The following SPAG9 variants were observed in gnomAD, a reference collection of about 807,000 sequenced individuals.
SPAG9 encodes the protein C-Jun-amino-terminal kinase-interacting protein 4.
Under a neutral mutation model 166.5 loss-of-function variants are expected in SPAG9, and 35 were observed. That is an observed-to-expected ratio of 0.21 (90% CI 0.16 to 0.28). The LOEUF is 0.28. Among genes scored for constraint, SPAG9 ranks in the 10% least tolerant of loss-of-function variants. The pLI is 1.00. For missense variants in SPAG9, 1,235 were observed against 1,603.3 expected, an observed-to-expected ratio of 0.77 and a Z score of 3.92; for synonymous variants, 534 against 565.5, an observed-to-expected ratio of 0.94 and a Z score of 0.79.
Position 51,079,649 on chromosome 17 carries a change from C to A in SPAG9, c.359G>T (p.Arg120Leu), listed in dbSNP as rs768620592. The A allele has an allele frequency of 6.2e-7, 1 of 1,611,002 alleles. No homozygotes were observed. Among genetic ancestry groups the A allele is most frequent in the South Asian group, 1.1e-5 (1 of 90,996 alleles). The change falls in exon 2 of 30, where the codon CGA (arginine) becomes CTA (leucine). Residue 120 changes from arginine to leucine, a missense_variant. By Grantham distance (102) the Arg-to-Leu change is moderately radical. Transcript: ENST00000262013. ...QEQEKKDLQT[R>L]VESLESQTRQ... ...TGTTTGAGATTCTAAAGATTCCACT[C>A]GGGTCTGTAAGTCCTTTTTTTCCTG...
In SPAG9 at chr17:51,118,147, A is replaced by G. The variant is rs576973468; in HGVS notation, c.303+2207T>C. On this transcript the variant is annotated intron_variant, in intron 1 of 29. Transcript: ENST00000262013. ...AGACTCTGTCTCAAAAAAAAAAAAA[A>G]AGAGAAAAGAAAACTGATAACAAGG... Among the ~76,000 whole-genome samples, 18 of 151,980 alleles carry G rather than the reference A, an allele frequency of 1.2e-4. No homozygotes were observed. In the Middle Eastern group the frequency reaches 0.014, roughly 115 times the overall value.
chr17:51,108,271 C>T (rs1193972915), intron 1 of SPAG9, among the ~76,000 whole-genome samples: 1 of 151,252 alleles, frequency 6.6e-6, no homozygotes, highest in Admixed American at 6.6e-5. Flanking sequence ...CCTGTAGTCC[C>T]AGCTACTCAG....
At chr17:51,095,670 G>GTATA (rs138822075) in intron 1 of SPAG9, among the ~76,000 whole-genome samples, 1 of 144,848 alleles carries the variant, frequency 6.9e-6, no homozygotes, top group African/African-American at 2.6e-5. Flanking sequence ...AAAAAAATGT[G>GTATA]TATATATATA....
chr17:50,985,923 T>G, intron 22 of SPAG9, 145 bp from the exon 23 acceptor site: 1 of 533,544 alleles, frequency 1.9e-6, no homozygotes, highest in Non-Finnish European at 3.3e-6. Flanking sequence ...TGTGCAATGG[T>G]CAGAAAAGAA....
chr17:51,104,066 G>C (rs931031274), intron 1 of SPAG9, among the ~76,000 whole-genome samples: 5 of 152,172 alleles, frequency 3.3e-5, no homozygotes, highest in African/African-American at 1.2e-4. Context: ...ATGAGGAAGA[G>C]TTAGGGATGG....
chr17:51,036,239 C>A (rs1415175116), intron 5 of SPAG9, among the ~76,000 whole-genome samples: 1 of 152,116 alleles, frequency 6.6e-6, no homozygotes, highest in African/African-American at 2.4e-5. Flanking sequence ...TCTCCTCCCA[C>A]CACAATCACC....
At chr17:51,085,681 T>G (rs1297181749) in intron 1 of SPAG9, among the ~76,000 whole-genome samples, 1 of 152,158 alleles carries the variant, frequency 6.6e-6, no homozygotes, top group Non-Finnish European at 1.5e-5. Context: ...CAGATAAACT[T>G]AGAGATTACA....
rs926059505 is a variant in SPAG9, at chr17:51,032,006, A to G, written c.742-284T>C. On this transcript the variant is annotated intron_variant, in intron 5 of 29. Transcript: ENST00000262013. ...CTTTTTTTTCTACTTACACCACTTTATGAAATCTTCCTGATGTTTATTCCA... is the reference window on the plus strand; with the variant it reads ...CTTTTTTTTCTACTTACACCACTTTGTGAAATCTTCCTGATGTTTATTCCA... 5 of 529,174 alleles carry G rather than the reference A, an allele frequency of 9.4e-6. No individual in the cohort carries two copies. In the Admixed American group the frequency reaches 1.2e-4, roughly 13 times the overall value. 32.8% of individuals were successfully genotyped at this position (529,174 alleles called of 1,614,324 possible). A position where few individuals can be genotyped will look rare whatever the true frequency, so the allele number is the denominator to read the frequency against.
At chr17:51,096,161 C>T (rs548360862) in intron 1 of SPAG9, among the ~76,000 whole-genome samples, 2 of 150,718 alleles carry the variant, frequency 1.3e-5, no homozygotes, top group Admixed American at 1.3e-4. Flanking sequence ...GCCTTGTCAA[C>T]ATGGTAAAAC....
chr17:51,006,177 C>T lies in SPAG9; in HGVS notation c.1332G>A (p.Glu444=). The change falls in exon 11 of 30, where the codon GAG becomes GAA. Residue 444 remains glutamate (E), a synonymous_variant. Coordinates refer to ENST00000262013, the MANE Select transcript of SPAG9 (RefSeq NM_001130528.3). ...CCAATTCCCCTTGCAGCACATCTTT[C>T]TCACAGGTCAGTTCATCCACTTTTG... is the stretch of plus-strand genomic sequence containing the variant. ...LIAKVDELTC[E]KDVLQGELEA... is the part of the protein sequence containing the mutation. 1 of 1,614,228 alleles carries T rather than the reference C, an allele frequency of 6.2e-7. No homozygotes were observed. Among genetic ancestry groups the T allele is most frequent in the Non-Finnish European group, 8.5e-7 (1 of 1,180,022 alleles).
At chr17:50,991,626 TA>T (rs1265623716) in intron 19 of SPAG9, among the ~76,000 whole-genome samples, 1 of 150,266 alleles carries the variant, frequency 6.7e-6, no homozygotes, top group Non-Finnish European at 1.5e-5. Context: ...CCATCACCAT[TA>T]TTTTTTTTTT....
At chr17:51,029,525 CAAAT>C (rs550222286) in intron 6 of SPAG9, among the ~76,000 whole-genome samples, 41 of 152,160 alleles carry the variant, frequency 2.7e-4, no homozygotes, top group African/African-American at 9.4e-4. Context: ...TGTCCATTAA[CAAAT>C]AAATAAACAA....
chr17:51,100,615 G>C (rs941773862), intron 1 of SPAG9, among the ~76,000 whole-genome samples: 4 of 151,896 alleles, frequency 2.6e-5, no homozygotes, highest in Non-Finnish European at 4.4e-5. Flanking sequence ...CTAGGACAGA[G>C]AGACCCTGCC....
chr17:51,110,593 A>G (rs1362257796), intron 1 of SPAG9, among the ~76,000 whole-genome samples: 2 of 151,914 alleles, frequency 1.3e-5, no homozygotes, highest in African/African-American at 4.8e-5. Context: ...GGAGGCTGAG[A>G]CGGAAGGATG....
At chr17:51,049,686 A>G (rs895924578) in intron 3 of SPAG9, among the ~76,000 whole-genome samples, 2 of 151,988 alleles carry the variant, frequency 1.3e-5, no homozygotes, top group Admixed American at 6.6e-5. Context: ...GCTTATTGCA[A>G]TCTCTGCCTC....
chr17:50,968,655 C>T (rs956773053), intron 29 of SPAG9, among the ~76,000 whole-genome samples: 4 of 152,038 alleles, frequency 2.6e-5, no homozygotes, highest in Non-Finnish European at 4.4e-5. Context: ...TGCTTGAAAC[C>T]GGGAGGTGGA....
intron 6 of SPAG9, among the ~76,000 whole-genome samples, chr17:51,027,769 G>A (rs1265463248): frequency 3.3e-5 from 5 of 152,076 alleles, no homozygotes. Context: ...TTATGTCACT[G>A]GTTTATGTAT....
chr17:50,964,063 C>T lies in SPAG9; in HGVS notation c.*2209G>A, dbSNP rs1973236565. On this transcript the variant is annotated 3_prime_UTR_variant, in exon 30 of 30. Coordinates refer to ENST00000262013, the MANE Select transcript of SPAG9 (RefSeq NM_001130528.3). The stretch of plus-strand genomic sequence containing the variant: ...AAATGCCTCCTCTGGCTCATGAAAT[C>T]CCATGTACTTCACAATCTAGCCTAA... 6.6e-6 allele frequency: 1 copy of T among 152,148 alleles called. No individual in the cohort carries two copies. The allele number at this position is 152,148 out of a possible 1,614,324, so 9.4% of individuals were successfully genotyped here. A position where few individuals can be genotyped will look rare whatever the true frequency, so the allele number is the denominator to read the frequency against.
At chr17:51,004,723 C>G (rs368852971) in intron 12 of SPAG9, among the ~76,000 whole-genome samples, 1 of 151,836 alleles carries the variant, frequency 6.6e-6, no homozygotes, top group South Asian at 2.1e-4. Flanking sequence ...GACTGAGACT[C>G]TGTCTCAAAA....
Sources: gnomAD v4.1 joint callset for allele counts (sites outside exome capture counted in the v4.1 genomes callset) on GRCh38, gnomAD v4.1.1 for gene constraint, MANE v1.5 for transcripts, NCBI Gene and HGNC (gene_info 2026-07-23, HGNC 2026-07-21) for gene names.